The following CCL28 variants were observed in gnomAD, a reference collection of about 807,000 sequenced individuals.
CCL28 encodes C-C motif chemokine ligand 28.
In CCL28, 4 loss-of-function variants were observed where a neutral mutation model predicts 7.1. That is an observed-to-expected ratio of 0.56 (90% confidence interval 0.28 to 1.29). CCL28 has a LOEUF of 1.29. Ranked by LOEUF, CCL28 falls within the 50% of genes most tolerant of loss-of-function variation. CCL28 has a pLI of 0.11. For missense variants in CCL28, 151 were observed against 163.4 expected (o/e 0.92, Z 0.41); for synonymous variants, 55 against 57.8 (o/e 0.95, Z 0.22).
At chr5:43,390,173 G>A (rs1250610627) in intron 1 of CCL28, among the ~76,000 whole-genome samples, 1 of 152,186 alleles carries the variant, frequency 6.6e-6, no homozygotes, top group Non-Finnish European at 1.5e-5. Context: ...TGTTGGGGAG[G>A]CAAGCTGATA....
At chr5:43,366,991 T>C in the CCL28 span, among the ~76,000 whole-genome samples, 1 of 152,254 alleles carries the variant, frequency 6.6e-6, no homozygotes, top group Non-Finnish European at 1.5e-5. Flanking sequence ...GTTTACACTT[T>C]GTTTACACTG....
chr5:43,360,628 C>A, the CCL28 span, among the ~76,000 whole-genome samples: 2 of 152,066 alleles, frequency 1.3e-5, no homozygotes, highest in African/African-American at 4.8e-5. Context: ...CATAGTATTT[C>A]ATGGTGTATA....
downstream of CCL28, among the ~76,000 whole-genome samples, chr5:43,373,047 C>A (rs559193378): frequency 6.6e-6 from 1 of 151,986 alleles, no homozygotes; most frequent in African/African-American, 2.4e-5. Flanking sequence ...GTGATCCACC[C>A]ACCTCGGCCT....
chr5:43,357,672 C>T, the CCL28 span, among the ~76,000 whole-genome samples: 2 of 151,898 alleles, frequency 1.3e-5, no homozygotes, highest in Non-Finnish European at 1.5e-5. Flanking sequence ...CTCTGATGTT[C>T]CTGAAAGAAA....
chr5:43,372,191 G>A (rs1392849840), downstream of CCL28, among the ~76,000 whole-genome samples: 2 of 152,170 alleles, frequency 1.3e-5, no homozygotes, highest in Non-Finnish European at 2.9e-5. Context: ...TTCAATATGA[G>A]TTTTGGGGGG....
chr5:43,411,942 C>T (rs1175373003), intron 1 of CCL28, among the ~76,000 whole-genome samples: 1 of 152,196 alleles, frequency 6.6e-6, no homozygotes, highest in Non-Finnish European at 1.5e-5. Flanking sequence ...ACTCCAGCCT[C>T]TAGCTGGGGA....
intron 1 of CCL28, among the ~76,000 whole-genome samples, chr5:43,408,796 GA>G (rs1741412059): frequency 6.6e-6 from 1 of 151,618 alleles, no homozygotes; most frequent in South Asian, 2.1e-4. Flanking sequence ...TTTTATATTT[GA>G]AAATACACTA....
At chr5:43,406,703 G>A (rs1420609174) in intron 1 of CCL28, among the ~76,000 whole-genome samples, 1 of 152,182 alleles carries the variant, frequency 6.6e-6, no homozygotes, top group Admixed American at 6.5e-5. Context: ...AAGTCAAAAT[G>A]TCCCTGTCTG....
intron 1 of CCL28, among the ~76,000 whole-genome samples, chr5:43,403,177 T>C (rs1212804120): frequency 1.3e-5 from 2 of 152,306 alleles, no homozygotes; most frequent in Middle Eastern, 3.4e-3. Context: ...TCTACCAGCA[T>C]GGAGTTTGAG....
At chr5:43,373,820 G>A (rs770245281), downstream of CCL28, among the ~76,000 whole-genome samples, 10 of 152,182 alleles carry the variant, frequency 6.6e-5, no homozygotes, top group African/African-American at 9.7e-5. Context: ...TCCAGAAGCC[G>A]TTTCTCCTGT....
chr5:43,409,790 C>T (rs146038917), intron 1 of CCL28, among the ~76,000 whole-genome samples: 149 of 152,136 alleles, frequency 9.8e-4, no homozygotes, highest in African/African-American at 3.5e-3. Context: ...AACAGCCAGG[C>T]CCACAAAGTC....
intron 2 of CCL28, among the ~76,000 whole-genome samples, chr5:43,383,011 G>T (rs1740184967): frequency 6.6e-6 from 1 of 151,922 alleles, no homozygotes; most frequent in African/African-American, 2.4e-5. Context: ...TAGAGATGGG[G>T]TTTTACCATG....
chr5:43,407,213 G>A (rs981241064), intron 1 of CCL28, among the ~76,000 whole-genome samples: 8 of 152,108 alleles, frequency 5.3e-5, no homozygotes, highest in Non-Finnish European at 1.0e-4. Context: ...GAACAAAGCT[G>A]GAGGCATCAC....
chr5:43,412,212 C>A (rs41496450), intron 1 of CCL28, 41 bp downstream of exon 1: 4 of 1,550,976 alleles, frequency 2.6e-6, no homozygotes, highest in Admixed American at 1.7e-5. Flanking sequence ...GAGATACCCC[C>A]CTTTCCAGTG....
chr5:43,377,389 GGCTGAGGCACGA>G (rs1237856554), downstream of CCL28: 2 of 151,560 alleles, frequency 1.3e-5, no homozygotes, highest in Non-Finnish European at 2.9e-5. Context: ...CTACTTGGAA[GGCTGAGGCACGA>G]GAATCCCTTG....
chr5:43,399,616 A>C (rs1292521291), intron 1 of CCL28, among the ~76,000 whole-genome samples: 2 of 152,132 alleles, frequency 1.3e-5, no homozygotes, highest in Non-Finnish European at 2.9e-5. Context: ...AATGTCCAAA[A>C]TATTTTTGCT....
chr5:43,406,051 T>C (rs1359983810), intron 1 of CCL28, among the ~76,000 whole-genome samples: 1 of 152,006 alleles, frequency 6.6e-6, no homozygotes, highest in Non-Finnish European at 1.5e-5. Context: ...GATTCACAGC[T>C]GAATTCTACC....
chr5:43,386,375 T>C (rs1561157147), intron 2 of CCL28, among the ~76,000 whole-genome samples: 1 of 152,172 alleles, frequency 6.6e-6, no homozygotes, highest in Non-Finnish European at 1.5e-5. Flanking sequence ...AGAATCCTCA[T>C]TGGTATGTAG....
chr5:43,369,312 G>C, the CCL28 span, among the ~76,000 whole-genome samples: 1 of 152,120 alleles, frequency 6.6e-6, no homozygotes, highest in Non-Finnish European at 1.5e-5. Context: ...ACCTAAAGCT[G>C]ATCTTAAAAA....
Sources: allele counts gnomAD v4.1 joint callset (sites outside exome capture counted in the v4.1 genomes callset), GRCh38; gene constraint gnomAD v4.1.1; transcripts MANE v1.5; gene names NCBI Gene and HGNC (gene_info 2026-07-23, HGNC 2026-07-21).